FOXP2: variants seen among roughly 807,000 people sequenced by gnomAD.
FOXP2 encodes the protein forkhead box P2.
A neutral mutation model predicts 115.8 loss-of-function variants in FOXP2; 12 were observed. The ratio of observed to expected loss-of-function variants is 0.10; its 90% CI spans 0.07 to 0.17. The LOEUF (loss-of-function observed/expected upper bound fraction) is 0.17, where lower values mean the gene tolerates loss of function less well. FOXP2 is among the 10% of genes least tolerant of loss of function. The pLI, the probability that FOXP2 is intolerant of heterozygous loss-of-function variation, is 1.00. For missense variants in FOXP2, 629 were observed against 843.5 expected, an observed-to-expected ratio of 0.75 and a Z score of 3.15; for synonymous variants, 328 against 297.7, an observed-to-expected ratio of 1.10 and a Z score of -1.05.
intron 2 of FOXP2, among the ~76,000 whole-genome samples, chr7:114,530,572 T>C (rs1799096079): frequency 1.3e-5 from 2 of 151,968 alleles, no homozygotes; most frequent in Non-Finnish European, 2.9e-5. Flanking sequence ...CAACATTTTT[T>C]TTGTTTTACT....
At chr7:114,616,456 C>T (rs1029937312) in intron 3 of FOXP2, among the ~76,000 whole-genome samples, 1 of 152,122 alleles carries the variant, frequency 6.6e-6, no homozygotes, top group African/African-American at 2.4e-5. Flanking sequence ...AGCCACCATG[C>T]CTGGCCTACA....
chr7:114,637,207 A>C (rs1805270118), intron 6 of FOXP2, among the ~76,000 whole-genome samples: 1 of 152,084 alleles, frequency 6.6e-6, no homozygotes, highest in African/African-American at 2.4e-5. Context: ...TATGATAGAC[A>C]ATTTGATTAA....
chr7:114,290,177 A>G (rs1407105040), intron 2 of FOXP2, among the ~76,000 whole-genome samples: 1 of 151,992 alleles, frequency 6.6e-6, no homozygotes, highest in Non-Finnish European at 1.5e-5. Context: ...AAATCCACTA[A>G]ATGGAACTTG....
chr7:114,626,041 A>T (rs1273882201), intron 3 of FOXP2, among the ~76,000 whole-genome samples: 3 of 151,740 alleles, frequency 2.0e-5, no homozygotes, highest in Non-Finnish European at 4.4e-5. Flanking sequence ...GGTAGGCCAG[A>T]ATCTGATTAA....
At chr7:114,510,543 T>G (rs914241739) in intron 2 of FOXP2, among the ~76,000 whole-genome samples, 1 of 152,194 alleles carries the variant, frequency 6.6e-6, no homozygotes, top group Non-Finnish European at 1.5e-5. Flanking sequence ...ATTTTATAAT[T>G]TCAAACTTTT....
intron 1 of FOXP2, among the ~76,000 whole-genome samples, chr7:114,287,509 A>T (rs1012666952): frequency 1.3e-5 from 2 of 152,032 alleles, no homozygotes; most frequent in African/African-American, 4.8e-5. Context: ...TCTGGGAAAT[A>T]CAAACTTAAA....
chr7:114,243,666 C>T (rs1268410999), intron 1 of FOXP2, among the ~76,000 whole-genome samples: 2 of 152,114 alleles, frequency 1.3e-5, no homozygotes. Context: ...TTTTCACTCC[C>T]TTTCCGAATT....
chr7:114,227,811 C>T (rs1010337907), intron 1 of FOXP2, among the ~76,000 whole-genome samples: 2 of 151,866 alleles, frequency 1.3e-5, no homozygotes, highest in Non-Finnish European at 2.9e-5. Flanking sequence ...AGCGTTAATA[C>T]GTACATGGGC....
chr7:114,330,612 A>G (rs1026478199), intron 2 of FOXP2, among the ~76,000 whole-genome samples: 1 of 151,680 alleles, frequency 6.6e-6, no homozygotes, highest in Non-Finnish European at 1.5e-5. Flanking sequence ...AGAATAGTAG[A>G]AGGAAATGTT....
chr7:114,691,195 C>A lies in FOXP2; in HGVS notation c.*1269C>A. The stretch of plus-strand genomic sequence containing the variant: ...AGTCAGTTATTTTCAGTGGTGAATA[C>A]ATGTTGTTAGAAGATGTCTTGTATG... On this transcript the variant is annotated 3_prime_UTR_variant, in exon 17 of 17. Transcript: ENST00000350908. 2.2e-6 allele frequency: 1 copy of A among 453,920 alleles called. No individual in the cohort carries two copies. Among genetic ancestry groups the A allele is most frequent in the Non-Finnish European group, 4.4e-6 (1 of 226,748 alleles). 28.1% of individuals were successfully genotyped at this position (453,920 alleles called of 1,614,324 possible).
chr7:114,663,015 T>C (rs1180974700), intron 14 of FOXP2, among the ~76,000 whole-genome samples: 1 of 152,188 alleles, frequency 6.6e-6, no homozygotes, highest in African/African-American at 2.4e-5. Context: ...TATGTTGTCA[T>C]TTAATTAACT....
chr7:114,252,329 C>G (rs1795470339), intron 1 of FOXP2, among the ~76,000 whole-genome samples: 1 of 152,088 alleles, frequency 6.6e-6, no homozygotes, highest in African/African-American at 2.4e-5. Context: ...GGAGGATTCC[C>G]TCTTTTTCTA....
intron 1 of FOXP2, among the ~76,000 whole-genome samples, chr7:114,127,801 G>T (rs1438664154): frequency 1.3e-5 from 2 of 152,136 alleles, no homozygotes; most frequent in African/African-American, 4.8e-5. Flanking sequence ...AGAATGTAAA[G>T]TCACAGCTTC....
At chr7:114,585,346 G>A (rs1802078567) in intron 3 of FOXP2, among the ~76,000 whole-genome samples, 1 of 152,028 alleles carries the variant, frequency 6.6e-6, no homozygotes, top group Admixed American at 6.6e-5. Context: ...AGAGCTCCTG[G>A]TGATTCTGAT....
At chr7:114,524,125 C>T (rs943743439) in intron 2 of FOXP2, among the ~76,000 whole-genome samples, 13 of 151,930 alleles carry the variant, frequency 8.6e-5, no homozygotes, top group Non-Finnish European at 1.5e-4. Context: ...TAGATGATAA[C>T]GTTTTGTATT....
intron 1 of FOXP2, among the ~76,000 whole-genome samples, chr7:114,189,048 G>A (rs1462226291): frequency 6.6e-6 from 1 of 151,958 alleles, no homozygotes; most frequent in Admixed American, 6.6e-5. Context: ...TTCATTATAT[G>A]ACAAGGGGAA....
chr7:114,628,845 CTA>C, intron 4 of FOXP2, 168 bp downstream of exon 4: 1 of 777,296 alleles, frequency 1.3e-6, no homozygotes, highest in South Asian at 1.7e-5. Context: ...GTAAGAAAAT[CTA>C]GATTGCTTAT....
intron 3 of FOXP2, among the ~76,000 whole-genome samples, chr7:114,592,371 A>G (rs1802482916): frequency 6.6e-6 from 1 of 152,036 alleles, no homozygotes; most frequent in Non-Finnish European, 1.5e-5. Context: ...AGTTGGTTTT[A>G]AATGAAAATG....
At chr7:114,443,068 G>T (rs1226031591) in intron 2 of FOXP2, among the ~76,000 whole-genome samples, 1 of 152,146 alleles carries the variant, frequency 6.6e-6, no homozygotes, top group African/African-American at 2.4e-5. Context: ...CATCCTTATG[G>T]TAGGTCAGAT....
Sources: gnomAD v4.1 joint callset for allele counts (sites outside exome capture counted in the v4.1 genomes callset) on GRCh38, gnomAD v4.1.1 for gene constraint, MANE v1.5 for transcripts, NCBI Gene and HGNC (gene_info 2026-07-23, HGNC 2026-07-21) for gene names.